The following PUM3 variants were observed in gnomAD, a reference collection of about 807,000 sequenced individuals.
PUM3 encodes the protein pumilio RNA binding family member 3, also known as pumilio homolog 3.
A neutral mutation model predicts 84.0 loss-of-function variants in PUM3; 91 were observed. That is an observed-to-expected ratio of 1.08 (90% confidence interval 0.91 to 1.29). The LOEUF (loss-of-function observed/expected upper bound fraction) is 1.29. Among genes scored for constraint, PUM3 ranks in the 50% most tolerant of loss-of-function variants. The pLI, the probability that PUM3 is intolerant of heterozygous loss-of-function variation, is 0.00. For synonymous variants in PUM3, 321 were observed against 266.7 expected, an observed-to-expected ratio of 1.20 and a Z score of -1.98; for missense variants, 1,067 against 767.5, an observed-to-expected ratio of 1.39 and a Z score of -4.61.
intron 10 of PUM3, among the ~76,000 whole-genome samples, chr9:2,826,708 T>A (rs1440511325): frequency 6.6e-6 from 1 of 152,202 alleles, no homozygotes; most frequent in East Asian, 1.9e-4. Flanking sequence ...TCTAACCTTT[T>A]AATGCCAAGC....
At chr9:2,806,399 G>T (rs1285052507) in intron 17 of PUM3, among the ~76,000 whole-genome samples, 1 of 152,150 alleles carries the variant, frequency 6.6e-6, no homozygotes, top group African/African-American at 2.4e-5. Context: ...GAATGCTCCT[G>T]TGTGAGTATT....
At chr9:2,830,071 C>G (rs897666382) in intron 7 of PUM3, 123 bp from the exon 8 acceptor site, 1 of 762,302 alleles carries the variant, frequency 1.3e-6, no homozygotes, top group Non-Finnish European at 2.1e-6. Context: ...AGTAAATGAG[C>G]TAGCATGCAT....
chr9:2,804,705 C>T (rs952210860), intron 17 of PUM3, among the ~76,000 whole-genome samples: 2 of 152,220 alleles, frequency 1.3e-5, no homozygotes, highest in African/African-American at 2.4e-5. Flanking sequence ...GGACCAACAT[C>T]ATTCCATACA....
In PUM3 at chr9:2,829,911, T is replaced by C. The variant is rs371280326; in HGVS notation, c.715A>G (p.Lys239Glu). 1 of 1,613,802 alleles carries C rather than the reference T, an allele frequency of 6.2e-7. No homozygotes were observed. The highest frequency in any genetic ancestry group is 2.2e-5 in the East Asian group (1 of 44,866). The change falls in exon 8 of 18, where the codon AAA becomes GAA. Residue 239 changes from lysine (K) to glutamate (E), a missense_variant. Lys to Glu is a moderately conservative substitution (Grantham distance 56). Coordinates refer to ENST00000397885, the MANE Select transcript of PUM3 (RefSeq NM_014878.5). ...PQIAEIIRSF[K>E]GHVRKMLRHA... The stretch of plus-strand genomic sequence containing the variant: ...CGCAGCATCTTCCTCACGTGGCCTT[T>C]AAAACTTCTGATTATCTCTGCAATC...
intron 16 of PUM3, among the ~76,000 whole-genome samples, chr9:2,808,407 G>A (rs1020617220): frequency 4.6e-5 from 7 of 152,244 alleles, no homozygotes; most frequent in East Asian, 1.9e-4. Context: ...TCTTTACAAC[G>A]CTTACATACT....
At chr9:2,818,477 T>C (rs1367596298) in intron 13 of PUM3, among the ~76,000 whole-genome samples, 1 of 152,210 alleles carries the variant, frequency 6.6e-6, no homozygotes, top group Non-Finnish European at 1.5e-5. Flanking sequence ...TTGAAATCCA[T>C]TTGGAACAGC....
intron 7 of PUM3, among the ~76,000 whole-genome samples, chr9:2,830,194 T>C (rs907387414): frequency 1.3e-5 from 2 of 151,916 alleles, no homozygotes; most frequent in South Asian, 2.1e-4. Context: ...TTCAAGGAAA[T>C]AGAAAATCAT....
chr9:2,816,006 T>C (rs1173381702), intron 13 of PUM3, among the ~76,000 whole-genome samples: 7 of 152,306 alleles, frequency 4.6e-5, no homozygotes, highest in African/African-American at 1.7e-4. Flanking sequence ...CAATGCGCTT[T>C]TAAAGAGGAA....
intron 6 of PUM3, 45 bp downstream of exon 6, chr9:2,831,206 G>T: frequency 1.5e-6 from 2 of 1,334,186 alleles, no homozygotes; most frequent in South Asian, 2.5e-5. Flanking sequence ...GAAAACAAGT[G>T]ACTTATTGCA....
intron 13 of PUM3, among the ~76,000 whole-genome samples, chr9:2,814,882 T>C (rs1025967653): frequency 6.6e-6 from 1 of 152,160 alleles, no homozygotes; most frequent in Non-Finnish European, 1.5e-5. Flanking sequence ...TTAGTTAACA[T>C]TTTTTTCCTT....
At chr9:2,823,129 A>G (rs2129833531) in intron 12 of PUM3, among the ~76,000 whole-genome samples, 1 of 152,172 alleles carries the variant, frequency 6.6e-6, no homozygotes, top group Non-Finnish European at 1.5e-5. Flanking sequence ...TTCACTACAT[A>G]TATTCTAGTT....
At chr9:2,805,887 G>A (rs1586714643) in intron 17 of PUM3, among the ~76,000 whole-genome samples, 1 of 151,900 alleles carries the variant, frequency 6.6e-6, no homozygotes. Context: ...TCTGTCAAGT[G>A]CCAATGCTCC....
Position 2,824,775 on chromosome 9 carries a change from G to C in PUM3, c.1076C>G (p.Ala359Gly). 6.3e-6 allele frequency: 10 copies of C among 1,586,368 alleles called. No individual in the cohort carries two copies. Among genetic ancestry groups the C allele is most frequent in the Non-Finnish European group, 7.7e-6 (9 of 1,162,140 alleles). ...CACTCTGGCGCCATCGTGTGTGTGT[G>C]CCAGGTAGACCACCGCTTCGCGGAT... ...EAIREAVVYL[A>G]HTHDGARVAM... Residue 359 changes from alanine to glycine, a missense_variant, in exon 11 of 18, where the codon GCA becomes GGA. Physicochemically the swap from Ala to Gly is moderately conservative, Grantham distance 60. Transcript: ENST00000397885.
intron 8 of PUM3, among the ~76,000 whole-genome samples, chr9:2,829,562 A>C (rs549177152): frequency 6.6e-6 from 1 of 152,364 alleles, no homozygotes; most frequent in South Asian, 2.1e-4. Flanking sequence ...TTTGAATTGA[A>C]GGGGATTTAA....
intron 16 of PUM3, 37 bp downstream of exon 16, chr9:2,810,307 C>G (rs769210898): frequency 1.5e-6 from 2 of 1,337,518 alleles, no homozygotes; most frequent in Non-Finnish European, 2.2e-6. Context: ...TGGAATTCCA[C>G]ATGAGATACA....
chr9:2,835,035 A>C (rs1816085543), intron 3 of PUM3, among the ~76,000 whole-genome samples: 1 of 151,524 alleles, frequency 6.6e-6, no homozygotes, highest in Non-Finnish European at 1.5e-5. Context: ...AAAAGAAAAG[A>C]AAAACCCTGT....
At position 2,824,764 on chromosome 9, in the gene PUM3, CGTGT is replaced by C; in HGVS notation, c.1083_1086del (p.His362MetfsTer20). On this transcript the variant is annotated frameshift_variant, in exon 11 of 18. Coordinates refer to ENST00000397885, the MANE Select transcript of PUM3 (RefSeq NM_014878.5). LOFTEE classifies it high-confidence loss of function. Reference sequence around the variant, plus strand: ...CAGTGCATGGCCACTCTGGCGCCATCGTGTGTGTGTGCCAGGTAGACCACCGCTT... The same window carrying C: ...CAGTGCATGGCCACTCTGGCGCCATCGTGTGTGCCAGGTAGACCACCGCTT... The C allele has an allele frequency of 1.3e-6, 2 of 1,589,410 alleles. No individual in the cohort carries two copies. Among genetic ancestry groups the C allele is most frequent in the Non-Finnish European group, 1.7e-6 (2 of 1,164,402 alleles).
chr9:2,823,005 T>C (rs919318708), intron 12 of PUM3, among the ~76,000 whole-genome samples: 1 of 151,910 alleles, frequency 6.6e-6, no homozygotes, highest in Admixed American at 6.5e-5. Flanking sequence ...TAGTTCTCAC[T>C]GGATGTTTTC....
intron 9 of PUM3, 21 bp from the exon 10 acceptor site, chr9:2,827,172 C>G (rs779190378): frequency 1.7e-5 from 26 of 1,545,652 alleles, no homozygotes; most frequent in South Asian, 2.3e-5. Flanking sequence ...AAAAAAAAAG[C>G]AAAAAGACAC....
Sources: gnomAD v4.1 joint callset for allele counts (sites outside exome capture counted in the v4.1 genomes callset) on GRCh38, gnomAD v4.1.1 for gene constraint, MANE v1.5 for transcripts, NCBI Gene and HGNC (gene_info 2026-07-23, HGNC 2026-07-21) for gene names.